Variants in SENP5 observed in about 807,000 individuals in gnomAD.
SENP5 encodes the protein SUMO specific peptidase 5.
A neutral mutation model predicts 74.2 loss-of-function variants in SENP5; 21 were observed. The observed-to-expected ratio is 0.28, with a 90% CI of 0.20 to 0.41. SENP5 has a LOEUF of 0.41. Ranked by LOEUF, SENP5 falls within the 10% of genes least tolerant of loss-of-function variation. The pLI is 1.00. For synonymous variants in SENP5, 311 were observed against 312.7 expected, an observed-to-expected ratio of 0.99 and a Z score of 0.06; for missense variants, 717 against 889.1, an observed-to-expected ratio of 0.81 and a Z score of 2.46.
Position 196,902,757 on chromosome 3 carries a change from G to A in SENP5, c.1807-776G>A, listed in dbSNP as rs976546263. Among the ~76,000 whole-genome samples the A allele has an allele frequency of 6.6e-5, 10 of 152,284 alleles. No individual in the cohort carries two copies. The East Asian group carries it at 7.7e-4, about 12-fold the overall frequency. On this transcript the variant is annotated intron_variant, in intron 5 of 9. Coordinates refer to ENST00000323460, the MANE Select transcript of SENP5 (RefSeq NM_152699.5). ...CTTACTTATAAGTCAGAAATTCAAA[G>A]CCAAGGACGCAGGACCTGATACTCT...
chr3:196,907,011 A>T (rs1157767813), intron 6 of SENP5, among the ~76,000 whole-genome samples: 1 of 152,184 alleles, frequency 6.6e-6, no homozygotes, highest in Non-Finnish European at 1.5e-5. Flanking sequence ...ATGGAGATGA[A>T]GGACAAGGAA....
chr3:196,868,968 C>T (rs148528580), intron 1 of SENP5, among the ~76,000 whole-genome samples: 1 of 151,574 alleles, frequency 6.6e-6, no homozygotes, highest in African/African-American at 2.4e-5. Flanking sequence ...TGGTCAGAGC[C>T]TAACTGCAGT....
At chr3:196,902,489 G>A (rs144490139) in intron 5 of SENP5, among the ~76,000 whole-genome samples, 1,670 of 152,252 alleles carry the variant, frequency 0.011, 21 homozygotes, top group African/African-American at 0.032. Context: ...CCTCAGAACC[G>A]TCTGAAAGGT....
chr3:196,933,454 T>G lies in SENP5; in HGVS notation c.*2531T>G, dbSNP rs1577856330. On this transcript the variant is annotated 3_prime_UTR_variant, in exon 10 of 10. Coordinates refer to ENST00000323460, the MANE Select transcript of SENP5 (RefSeq NM_152699.5). ...ACTCAAGTCCTAGATTAGAATGTCC[T>G]TTGTCCTGATGTTTGCAGTAATTGC... is the stretch of plus-strand genomic sequence containing the variant. 6.6e-6 allele frequency: 1 copy of G among 152,254 alleles called. No individual in the cohort carries two copies. Among genetic ancestry groups the G allele is most frequent in the South Asian group, 2.1e-4 (1 of 4,832 alleles). 9.4% of individuals were successfully genotyped at this position (152,254 alleles called of 1,614,324 possible).
chr3:196,922,775 C>T (rs1715669555), intron 6 of SENP5, among the ~76,000 whole-genome samples: 1 of 152,204 alleles, frequency 6.6e-6, no homozygotes, highest in African/African-American at 2.4e-5. Flanking sequence ...GTGCACACCA[C>T]CACGCCCGGT....
In SENP5 at chr3:196,908,759, G is replaced by T. The variant is rs200978100; in HGVS notation, c.1884+5149G>T. ...AATCACTTGAACCCGGGAGGTGGAGGTTGTGGTGAGCTGAGATTGCGCCAT... is the reference window on the plus strand; with the variant it reads ...AATCACTTGAACCCGGGAGGTGGAGTTTGTGGTGAGCTGAGATTGCGCCAT... On this transcript the variant is annotated intron_variant, in intron 6 of 9. Coordinates refer to ENST00000323460, the MANE Select transcript of SENP5 (RefSeq NM_152699.5). Among the ~76,000 whole-genome samples, 29 of 152,292 alleles carry T rather than the reference G, an allele frequency of 1.9e-4. 1 individual carries two copies. The East Asian group carries it at 5.4e-3, about 28-fold the overall frequency.
chr3:196,882,695 G>A (rs1458972216), intron 1 of SENP5, among the ~76,000 whole-genome samples: 1 of 151,972 alleles, frequency 6.6e-6, no homozygotes, highest in Non-Finnish European at 1.5e-5. Context: ...ATAGAGATGG[G>A]GTTTTGCCAT....
At chr3:196,893,631 C>A (rs1016550403) in intron 2 of SENP5, among the ~76,000 whole-genome samples, 1 of 152,012 alleles carries the variant, frequency 6.6e-6, no homozygotes. Flanking sequence ...AAGTTTAGGC[C>A]GGGCGCGGTG....
chr3:196,897,480 C>T (rs548451270), intron 2 of SENP5, among the ~76,000 whole-genome samples: 11 of 152,338 alleles, frequency 7.2e-5, no homozygotes, highest in African/African-American at 2.4e-4. Context: ...TTTCTGTTTA[C>T]TGTACCCTGA....
chr3:196,915,476 C>A (rs1715330180), intron 6 of SENP5, among the ~76,000 whole-genome samples: 1 of 152,220 alleles, frequency 6.6e-6, no homozygotes, highest in Non-Finnish European at 1.5e-5. Context: ...CAGAAGGGAA[C>A]CTACTGGCCC....
At chr3:196,891,771 G>C (rs13079776) in intron 2 of SENP5, among the ~76,000 whole-genome samples, 101,755 of 152,068 alleles carry the variant, frequency 0.67, 35,000 homozygotes, top group Non-Finnish European at 0.75. Flanking sequence ...TGCATTCCAC[G>C]CTGGGTGACA....
chr3:196,887,546 A>G (rs951994606), intron 2 of SENP5, among the ~76,000 whole-genome samples: 1 of 151,158 alleles, frequency 6.6e-6, no homozygotes, highest in South Asian at 2.1e-4. Flanking sequence ...CGCTCAATGT[A>G]CCAGGCACTG....
At chr3:196,922,451 C>T (rs748073788) in intron 6 of SENP5, among the ~76,000 whole-genome samples, 6 of 151,374 alleles carry the variant, frequency 4.0e-5, no homozygotes, top group Non-Finnish European at 7.4e-5. Flanking sequence ...GCTGCTTACA[C>T]CATGTCTGTA....
Position 196,885,662 on chromosome 3 carries a change from C to T in SENP5, c.481C>T (p.Pro161Ser), listed in dbSNP as rs373256494. Residue 161 changes from proline (P) to serine (S), a missense_variant, in exon 2 of 10, where the codon CCA becomes TCA. By Grantham distance (74) the Pro-to-Ser change is moderately conservative. Around this residue, in one of 4 missense-constraint regions of SENP5, gnomAD observed 567 missense variants for 577.4 expected, o/e 0.98. Coordinates refer to ENST00000323460, the MANE Select transcript of SENP5 (RefSeq NM_152699.5). ...QANGHRPRTDPQPSDFPMKFN... is the reference protein window; with the variant it reads ...QANGHRPRTDSQPSDFPMKFN... Reference sequence around the variant, plus strand: ...CAATGGTCACAGACCTAGGACAGACCCACAACCTTCTGACTTTCCCATGAA... The same window carrying T: ...CAATGGTCACAGACCTAGGACAGACTCACAACCTTCTGACTTTCCCATGAA... 5 of 1,614,106 alleles carry T rather than the reference C, an allele frequency of 3.1e-6. No homozygotes were observed. Among genetic ancestry groups the T allele is most frequent in the Non-Finnish European group, 4.2e-6 (5 of 1,180,034 alleles).
intron 8 of SENP5, among the ~76,000 whole-genome samples, chr3:196,928,633 G>C (rs1482626749): frequency 6.6e-6 from 1 of 152,180 alleles, no homozygotes; most frequent in African/African-American, 2.4e-5. Context: ...ATCATTGACA[G>C]GATGTTATAG....
In SENP5 at chr3:196,898,190, AAAAAG is replaced by A. The variant is rs991039536; in HGVS notation, c.1514-1467_1514-1463del. On this transcript the variant is annotated intron_variant, in intron 2 of 9. Transcript: ENST00000323460. ...CAAGGCTTTGTCTTAAAAAAAAAGA[AAAAAG>A]AAAAGAAAGAACGTCCTGGGTTTAT... Among the ~76,000 whole-genome samples the A allele has an allele frequency of 4.0e-5, 6 of 151,870 alleles. No individual in the cohort carries two copies. The Middle Eastern group carries it at 0.01, about 258-fold the overall frequency.
intron 8 of SENP5, 99 bp from the exon 9 acceptor site, chr3:196,929,534 A>G: frequency 4.4e-6 from 3 of 683,748 alleles, no homozygotes; most frequent in Non-Finnish European, 5.1e-6. Flanking sequence ...GAGAGAGAAA[A>G]GTTTCCTATC....
At chr3:196,923,855 G>A (rs1192952428) in intron 7 of SENP5, among the ~76,000 whole-genome samples, 2 of 152,194 alleles carry the variant, frequency 1.3e-5, no homozygotes, top group Non-Finnish European at 2.9e-5. Flanking sequence ...AAATTGGCCT[G>A]TATCTGCAAA....
intron 6 of SENP5, among the ~76,000 whole-genome samples, chr3:196,916,388 A>C (rs1303673588): frequency 6.6e-6 from 1 of 152,140 alleles, no homozygotes; most frequent in Non-Finnish European, 1.5e-5. Context: ...AAAGGCACCA[A>C]TGACCAATCT....
Sources: allele counts gnomAD v4.1 joint callset (sites outside exome capture counted in the v4.1 genomes callset), GRCh38; gene constraint gnomAD v4.1.1; regional missense constraint gnomAD v4.1.1; transcripts MANE v1.5; gene names NCBI Gene and HGNC (gene_info 2026-07-23, HGNC 2026-07-21).